The following LAMA2 variants were observed in gnomAD, a reference collection of about 807,000 sequenced individuals.
The protein encoded by LAMA2 is laminin subunit alpha 2.
Under a neutral mutation model 364.8 loss-of-function variants are expected in LAMA2, and 269 were observed. That is an observed-to-expected ratio of 0.74 (90% CI 0.67 to 0.82). LAMA2 has a LOEUF of 0.82. Ranked by LOEUF, LAMA2 falls within the 40% of genes least tolerant of loss-of-function variation. The pLI is 0.00. For missense variants in LAMA2, 3,807 were observed against 3,873.2 expected (o/e 0.98, Z 0.45); for synonymous variants, 1,379 against 1,370.6 (o/e 1.01, Z -0.14).
chr6:129,171,837 C>T (rs1221631425), intron 9 of LAMA2, among the ~76,000 whole-genome samples: 2 of 106,440 alleles, frequency 1.9e-5, no homozygotes, highest in Admixed American at 2.2e-4. Flanking sequence ...TTGGTCTTTT[C>T]ACATAGTCCC....
chr6:129,158,840 G>GTTTC, intron 8 of LAMA2: 1 of 1,613,972 alleles, frequency 6.2e-7, no homozygotes, highest in Non-Finnish European at 8.5e-7. Context: ...AGCTAATGTG[G>GTTTC]TTTCTCCCTG....
chr6:128,951,807 C>A (rs1349225562), intron 1 of LAMA2, among the ~76,000 whole-genome samples: 2 of 152,128 alleles, frequency 1.3e-5, no homozygotes, highest in Non-Finnish European at 2.9e-5. Context: ...CTTTTCTACC[C>A]TTTTTATTTA....
At chr6:128,981,753 A>G (rs1031692820) in intron 1 of LAMA2, among the ~76,000 whole-genome samples, 1 of 152,062 alleles carries the variant, frequency 6.6e-6, no homozygotes, top group Admixed American at 6.5e-5. Context: ...CTGTCTCAAA[A>G]AGAAAATAAT....
intron 31 of LAMA2, among the ~76,000 whole-genome samples, chr6:129,351,199 T>G (rs1234362317): frequency 6.6e-6 from 1 of 152,096 alleles, no homozygotes; most frequent in East Asian, 1.9e-4. Context: ...AAAAAAAAAT[T>G]ATGATATAGC....
At chr6:128,902,934 A>C (rs1307537267) in intron 1 of LAMA2, among the ~76,000 whole-genome samples, 1 of 152,178 alleles carries the variant, frequency 6.6e-6, no homozygotes, top group Non-Finnish European at 1.5e-5. Context: ...CTTTCACTTT[A>C]AAGTGTTTAA....
intron 31 of LAMA2, among the ~76,000 whole-genome samples, chr6:129,351,127 C>T (rs1386705382): frequency 5.3e-5 from 8 of 152,026 alleles, no homozygotes. Context: ...CCTTTAAACA[C>T]CAGTAGGATG....
chr6:129,106,875 A>ATATAT (rs59504944), intron 4 of LAMA2, among the ~76,000 whole-genome samples: 4,511 of 142,354 alleles, frequency 0.032, 103 homozygotes, highest in South Asian at 0.075. Flanking sequence ...AAAAAAAAAA[A>ATATAT]ATATATATAT....
At chr6:129,172,894 G>A (rs60805887) in intron 9 of LAMA2, among the ~76,000 whole-genome samples, 10,461 of 152,274 alleles carry the variant, frequency 0.069, 683 homozygotes, top group African/African-American at 0.17. Context: ...TTTTAAGCCC[G>A]TCGGAAAAGC....
At chr6:129,205,232 A>AG (rs1365872046) in intron 12 of LAMA2, among the ~76,000 whole-genome samples, 1 of 151,098 alleles carries the variant, frequency 6.6e-6, no homozygotes, top group Non-Finnish European at 1.5e-5. Context: ...TACTAAAAAA[A>AG]ATACAAAAAA....
chr6:129,441,113 C>T (rs1020749922), intron 43 of LAMA2, 115 bp downstream of exon 43: 42 of 907,822 alleles, frequency 4.6e-5, no homozygotes, highest in Non-Finnish European at 6.7e-5. Context: ...AGTCTGCCTT[C>T]CTTCTTTCAT....
At chr6:128,891,935 G>A (rs989890811) in intron 1 of LAMA2, among the ~76,000 whole-genome samples, 1 of 151,938 alleles carries the variant, frequency 6.6e-6, no homozygotes, top group African/African-American at 2.4e-5. Context: ...GGCTAGACTC[G>A]GATCCATAGC....
Position 128,977,266 on chromosome 6 carries a change from C to CT in LAMA2, c.113-72637dup, listed in dbSNP as rs34859670. On this transcript the variant is annotated intron_variant, in intron 1 of 64. Transcript: ENST00000421865. The stretch of plus-strand genomic sequence containing the variant: ...TTCTTCTTTCTTTTCTTTATTCTTT[C>CT]TTTTTTTTTTTTTTTCAAGGTCTTG... Among the ~76,000 whole-genome samples the CT allele has an allele frequency of 2.2e-3, 292 of 133,072 alleles. 1 individual carries two copies. The highest frequency in any genetic ancestry group is 4.4e-3 in the East Asian group (21 of 4,760). The allele number at this position is 133,072 out of a possible 152,430, so 87.3% of individuals were successfully genotyped here. A position where few individuals can be genotyped will look rare whatever the true frequency, so the allele number is the denominator to read the frequency against.
chr6:129,421,170 G>A (rs1320916905), intron 40 of LAMA2, among the ~76,000 whole-genome samples: 1 of 151,970 alleles, frequency 6.6e-6, no homozygotes, highest in Non-Finnish European at 1.5e-5. Flanking sequence ...AATCCTAACA[G>A]ACTTTATAAT....
intron 1 of LAMA2, among the ~76,000 whole-genome samples, chr6:128,921,697 G>GTTTTTTT (rs547882651): frequency 3.6e-4 from 43 of 118,040 alleles, no homozygotes; most frequent in African/African-American, 1.3e-3. Context: ...ATGAATGTCT[G>GTTTTTTT]TTTTTTTTTT....
chr6:129,220,568 A>T (rs190449694), intron 12 of LAMA2, among the ~76,000 whole-genome samples: 1 of 152,364 alleles, frequency 6.6e-6, no homozygotes, highest in East Asian at 1.9e-4. Context: ...TAGCTAGAAA[A>T]TATAATTATC....
intron 49 of LAMA2, among the ~76,000 whole-genome samples, chr6:129,463,005 A>G (rs1783336459): frequency 6.6e-6 from 1 of 152,012 alleles, no homozygotes. Context: ...AGATATTTTT[A>G]AAAGTGTATC....
chr6:129,383,891 G>T (rs755826684), intron 35 of LAMA2, among the ~76,000 whole-genome samples: 5 of 152,158 alleles, frequency 3.3e-5, no homozygotes, highest in Admixed American at 3.3e-4. Context: ...TATAATAAAC[G>T]TGCATGCATG....
intron 1 of LAMA2, among the ~76,000 whole-genome samples, chr6:129,045,771 C>T (rs544218152): frequency 7.4e-4 from 113 of 152,306 alleles, no homozygotes; most frequent in African/African-American, 2.5e-3. Context: ...CTTTTCTTGG[C>T]TTCCTCCCAT....
At chr6:129,422,821 A>G (rs1781142920) in intron 40 of LAMA2, among the ~76,000 whole-genome samples, 1 of 152,078 alleles carries the variant, frequency 6.6e-6, no homozygotes, top group Non-Finnish European at 1.5e-5. Context: ...AATACATCCA[A>G]CCTCATTCTA....
Sources: allele counts gnomAD v4.1 joint callset (sites outside exome capture counted in the v4.1 genomes callset), GRCh38; gene constraint gnomAD v4.1.1; transcripts MANE v1.5; gene names NCBI Gene and HGNC (gene_info 2026-07-23, HGNC 2026-07-21).